The following EXO1 variants were observed in gnomAD, a reference collection of about 807,000 sequenced individuals.
The protein encoded by EXO1 is exonuclease 1.
EXO1 carries 69 observed loss-of-function variants against 84.5 expected under a neutral mutation model. That is an observed-to-expected ratio of 0.82 (90% CI 0.67 to 1.00). The LOEUF is 1.00. Ranked by LOEUF, EXO1 falls within the 50% of genes least tolerant of loss-of-function variation. The pLI is 0.00. For missense variants in EXO1, 1,045 were observed against 1,000.7 expected (o/e 1.04, Z -0.60); for synonymous variants, 373 against 366.1 (o/e 1.02, Z -0.21).
chr1:241,878,256 T>C (rs191510752), intron 12 of EXO1, among the ~76,000 whole-genome samples: 1 of 152,324 alleles, frequency 6.6e-6, no homozygotes, highest in East Asian at 1.9e-4. Flanking sequence ...CCCAACACTT[T>C]GTGAGGCCAA....
At chr1:241,850,279 CA>C (rs375640251) in intron 3 of EXO1, 129 bp from the exon 4 acceptor site, 14,623 of 505,750 alleles carry the variant, frequency 0.029, 145 homozygotes, top group African/African-American at 0.13. Flanking sequence ...GACTCCGTCT[CA>C]AAAAAAAAAA....
At position 241,866,805 on chromosome 1, in the gene EXO1, A is replaced by G. The variant is rs2148457745; in HGVS notation, c.1042-25A>G. The G allele has an allele frequency of 2.0e-6, 3 of 1,483,542 alleles. No homozygotes were observed. The East Asian group carries it at 6.8e-5, about 34-fold the overall frequency. The allele number at this position is 1,483,542 out of a possible 1,614,324, so 91.9% of individuals were successfully genotyped here. ...AATTGATTATTTTCTTTCTGCAAAT[A>G]ATCTTTTTCCTTTTCCTTTTCTAGC... On this transcript the variant is annotated intron_variant, in intron 10 of 15. Coordinates refer to ENST00000366548, the MANE Select transcript of EXO1 (RefSeq NM_130398.4).
intron 4 of EXO1, among the ~76,000 whole-genome samples, chr1:241,851,903 C>T (rs1660691041): frequency 6.6e-6 from 1 of 152,154 alleles, no homozygotes; most frequent in Non-Finnish European, 1.5e-5. Flanking sequence ...GATATGGTGT[C>T]GTTGGAAGAA....
At position 241,848,868 on chromosome 1, in the gene EXO1, C is replaced by T. The variant is rs1294897826; in HGVS notation, c.-282C>T. On this transcript the variant is annotated 5_prime_UTR_variant, in exon 2 of 16. Coordinates refer to ENST00000366548, the MANE Select transcript of EXO1 (RefSeq NM_130398.4). The surrounding 1 kb of genome is among the most constrained non-coding windows in gnomAD (Gnocchi z 4.2). The stretch of plus-strand genomic sequence containing the variant: ...GCGACCTCTGAGATATGTACACAGT[C>T]ATTCTTACTATCGCACTCAGCCATT... 6.6e-6 allele frequency: 1 copy of T among 152,186 alleles called. No homozygotes were observed. The highest frequency in any genetic ancestry group is 1.5e-5 in the Non-Finnish European group (1 of 68,026). The allele number at this position is 152,186 out of a possible 1,614,324, so 9.4% of individuals were successfully genotyped here.
At position 241,857,176 on chromosome 1, in the gene EXO1, A is replaced by G. The variant is rs182010134; in HGVS notation, c.406-169A>G. On this transcript the variant is annotated intron_variant, in intron 6 of 15. Coordinates refer to ENST00000366548, the MANE Select transcript of EXO1 (RefSeq NM_130398.4). ...TCTTAATGGCTATATAATTAGTTCA[A>G]CATATACTAAAACTTACAGTAGAAA... Among the ~76,000 whole-genome samples the G allele has an allele frequency of 2.5e-3, 387 of 152,364 alleles. 2 individuals carry two copies. The highest frequency in any genetic ancestry group is 8.6e-3 in the African/African-American group (356 of 41,580).
intron 11 of EXO1, among the ~76,000 whole-genome samples, chr1:241,868,550 C>A (rs907795010): frequency 2.0e-5 from 3 of 152,132 alleles, no homozygotes; most frequent in Admixed American, 2.0e-4. Context: ...TGTCTGTAGT[C>A]CCATCTATTC....
intron 5 of EXO1, among the ~76,000 whole-genome samples, chr1:241,852,749 C>G (rs377273638): frequency 5.6e-4 from 85 of 152,308 alleles, no homozygotes; most frequent in African/African-American, 2.0e-3. Flanking sequence ...CTCCACCTCC[C>G]GGATTCAAGC....
intron 10 of EXO1, among the ~76,000 whole-genome samples, chr1:241,865,055 G>C (rs992114593): frequency 7.6e-5 from 11 of 143,888 alleles, no homozygotes; most frequent in Non-Finnish European, 1.5e-4. Flanking sequence ...GTGTGTGTGG[G>C]GGGGGGGTCT....
chr1:241,883,582 C>T (rs1377938772), intron 14 of EXO1, among the ~76,000 whole-genome samples: 1 of 152,118 alleles, frequency 6.6e-6, no homozygotes, highest in African/African-American at 2.4e-5. Flanking sequence ...ATTCAGTCCA[C>T]AGCAAATTCC....
Position 241,885,404 on chromosome 1 carries a change from A to G in EXO1, c.2302A>G (p.Lys768Glu), listed in dbSNP as rs763889647. ...LGPARASGLS[K>E]KPASIQKRKH... The stretch of plus-strand genomic sequence containing the variant: ...ACCTGCCAGAGCCAGTGGGCTGAGC[A>G]AGAAGCCGGCAAGCATCCAGAAGAG... The change falls in exon 15 of 16, where the codon AAG becomes GAG. Residue 768 changes from lysine to glutamate, a missense_variant. Physicochemically the swap from Lys to Glu is moderately conservative, Grantham distance 56. Transcript: ENST00000366548. The G allele has an allele frequency of 1.9e-6, 3 of 1,613,856 alleles. No homozygotes were observed. The highest frequency in any genetic ancestry group is 2.2e-5 in the East Asian group (1 of 44,872).
intron 4 of EXO1, 91 bp downstream of exon 4, chr1:241,850,677 C>T: frequency 1.9e-6 from 2 of 1,030,936 alleles, no homozygotes; most frequent in Non-Finnish European, 3.0e-6. Context: ...TGTTTTCACT[C>T]AATGCCAGAA....
At chr1:241,882,683 A>G (rs1182746899) in intron 14 of EXO1, among the ~76,000 whole-genome samples, 5 of 152,176 alleles carry the variant, frequency 3.3e-5, no homozygotes, top group African/African-American at 1.2e-4. Flanking sequence ...AAAAGTACCA[A>G]TGGTTGATTA....
At chr1:241,870,965 G>T (rs1435132030) in intron 11 of EXO1, among the ~76,000 whole-genome samples, 1 of 152,108 alleles carries the variant, frequency 6.6e-6, no homozygotes, top group Non-Finnish European at 1.5e-5. Flanking sequence ...ATATACAGTA[G>T]ATATGGCTTT....
intron 15 of EXO1, among the ~76,000 whole-genome samples, chr1:241,888,266 A>T (rs986526511): frequency 2.0e-5 from 3 of 152,156 alleles, no homozygotes; most frequent in African/African-American, 7.2e-5. Flanking sequence ...AAAAATGTAA[A>T]GTATACCAAA....
At chr1:241,865,054 G>T (rs1635508) in intron 10 of EXO1, among the ~76,000 whole-genome samples, 148,177 of 150,900 alleles carry the variant, frequency 0.98, 72,786 homozygotes, top group Middle Eastern at 1. Context: ...TGTGTGTGTG[G>T]GGGGGGGGTC....
At chr1:241,857,928 A>G (rs1286606830) in intron 7 of EXO1, among the ~76,000 whole-genome samples, 2 of 152,206 alleles carry the variant, frequency 1.3e-5, no homozygotes, top group African/African-American at 2.4e-5. Context: ...GTATAAAACT[A>G]TTTCATGGAA....
At chr1:241,866,798 T>C in intron 10 of EXO1, 32 bp from the exon 11 acceptor site, 1 of 1,432,098 alleles carries the variant, frequency 7.0e-7, no homozygotes, top group Non-Finnish European at 9.9e-7. Flanking sequence ...ATTTTCTTTC[T>C]GCAAATAATC....
chr1:241,858,533 A>G lies in EXO1; in HGVS notation c.571A>G (p.Asn191Asp). ...AATTTTAAAGATGGACCAGTTTGGAAATGGACTTGAAATTGATCAAGCTCG... is the reference window on the plus strand; with the variant it reads ...AATTTTAAAGATGGACCAGTTTGGAGATGGACTTGAAATTGATCAAGCTCG... ...KVILKMDQFG[N>D]GLEIDQARLG... The change falls in exon 8 of 16, where the codon AAT (asparagine) becomes GAT (aspartate). Residue 191 changes from asparagine (N) to aspartate (D), a missense_variant. Asn to Asp is a conservative substitution (Grantham distance 23, BLOSUM62 1). Coordinates refer to ENST00000366548, the MANE Select transcript of EXO1 (RefSeq NM_130398.4). 6.2e-7 allele frequency: 1 copy of G among 1,614,096 alleles called. No individual in the cohort carries two copies. Among genetic ancestry groups the G allele is most frequent in the Non-Finnish European group, 8.5e-7 (1 of 1,179,932 alleles).
chr1:241,884,478 T>TATGCCA (rs1662929933), intron 14 of EXO1, among the ~76,000 whole-genome samples: 1 of 152,178 alleles, frequency 6.6e-6, no homozygotes, highest in Non-Finnish European at 1.5e-5. Flanking sequence ...CAATAGAGGT[T>TATGCCA]TGTTTAAGTA....
Sources: gnomAD v4.1 joint callset for allele counts (sites outside exome capture counted in the v4.1 genomes callset) on GRCh38, gnomAD v4.1.1 for gene constraint, Gnocchi (gnomAD v3.1) non-coding constraint, MANE v1.5 for transcripts, NCBI Gene and HGNC (gene_info 2026-07-23, HGNC 2026-07-21) for gene names.